The following SGCZ variants were observed in gnomAD, a reference collection of about 807,000 sequenced individuals.
The protein encoded by SGCZ is sarcoglycan zeta.
In SGCZ, 40 loss-of-function variants were observed where a neutral mutation model predicts 41.3. The observed-to-expected ratio is 0.97, with a 90% CI of 0.75 to 1.26. The LOEUF (loss-of-function observed/expected upper bound fraction) is 1.26, where lower values mean the gene tolerates loss of function less well. Among genes scored for constraint, SGCZ ranks in the 50% most tolerant of loss-of-function variants. The probability of loss-of-function intolerance (pLI) is 0.00; values close to 1 mark genes in which losing one functional copy is unlikely to be tolerated. For synonymous variants in SGCZ, 206 were observed against 137.5 expected (o/e 1.50, Z -3.49); for missense variants, 552 against 369.8 (o/e 1.49, Z -4.04).
At chr8:14,389,205 T>C (rs879813737) in intron 2 of SGCZ, among the ~76,000 whole-genome samples, 1 of 151,894 alleles carries the variant, frequency 6.6e-6, no homozygotes, top group Non-Finnish European at 1.5e-5. Context: ...TACAGAGATA[T>C]AGAGACATAT....
At chr8:14,120,000 C>T (rs969117971) in intron 5 of SGCZ, among the ~76,000 whole-genome samples, 7 of 152,068 alleles carry the variant, frequency 4.6e-5, no homozygotes, top group African/African-American at 1.7e-4. Flanking sequence ...CGATGCTCAT[C>T]AGGGATACTG....
intron 2 of SGCZ, among the ~76,000 whole-genome samples, chr8:14,409,323 C>A (rs1197566248): frequency 1.3e-5 from 2 of 151,966 alleles, no homozygotes; most frequent in Non-Finnish European, 2.9e-5. Flanking sequence ...CTCTTATTCT[C>A]CCTCAACCTG....
At chr8:14,203,726 G>A (rs966657945) in intron 4 of SGCZ, among the ~76,000 whole-genome samples, 1 of 152,152 alleles carries the variant, frequency 6.6e-6, no homozygotes, top group Non-Finnish European at 1.5e-5. Context: ...ACTAATGAGG[G>A]CTATGGAGAA....
intron 4 of SGCZ, among the ~76,000 whole-genome samples, chr8:14,233,762 CT>C (rs1806656734): frequency 6.6e-6 from 1 of 151,240 alleles, no homozygotes; most frequent in Non-Finnish European, 1.5e-5. Flanking sequence ...AAGTCAAACA[CT>C]TTTTTCACCT....
chr8:14,291,396 G>A (rs758560021), intron 3 of SGCZ, among the ~76,000 whole-genome samples: 17 of 152,042 alleles, frequency 1.1e-4, no homozygotes, highest in East Asian at 1.9e-4. Flanking sequence ...ATGTAGTAGT[G>A]CATAAATATT....
intron 1 of SGCZ, among the ~76,000 whole-genome samples, chr8:14,863,992 G>C (rs934559365): frequency 1.1e-4 from 16 of 152,098 alleles, no homozygotes; most frequent in African/African-American, 3.6e-4. Context: ...TATTCATAGA[G>C]AGCCTCTGAC....
intron 1 of SGCZ, among the ~76,000 whole-genome samples, chr8:15,027,387 G>C (rs1319468081): frequency 1.3e-5 from 1 of 78,802 alleles, no homozygotes; most frequent in Non-Finnish European, 2.5e-5. Context: ...AAAGAAATAT[G>C]TGTTGGCTCA....
At chr8:14,838,840 G>A (rs1444969412) in intron 1 of SGCZ, among the ~76,000 whole-genome samples, 1 of 152,148 alleles carries the variant, frequency 6.6e-6, no homozygotes, top group Non-Finnish European at 1.5e-5. Context: ...CCTCCGGACT[G>A]ATGCCAGAGC....
intron 1 of SGCZ, among the ~76,000 whole-genome samples, chr8:14,859,283 G>C (rs1282011377): frequency 1.3e-5 from 2 of 152,014 alleles, no homozygotes; most frequent in African/African-American, 4.8e-5. Flanking sequence ...AGAGTGTATA[G>C]CAGTAAAGAC....
At chr8:14,869,433 A>G (rs1253601937) in intron 1 of SGCZ, among the ~76,000 whole-genome samples, 1 of 152,142 alleles carries the variant, frequency 6.6e-6, no homozygotes, top group African/African-American at 2.4e-5. Context: ...TTGATGGAAC[A>G]TATCTCAAAA....
chr8:14,482,323 A>G (rs77375689), intron 2 of SGCZ, among the ~76,000 whole-genome samples: 2,988 of 152,212 alleles, frequency 0.02, 95 homozygotes, highest in African/African-American at 0.067. Context: ...AAGCATACAT[A>G]ATTTCACAAG....
intron 1 of SGCZ, among the ~76,000 whole-genome samples, chr8:14,623,501 G>A (rs1806352431): frequency 6.6e-6 from 1 of 152,096 alleles, no homozygotes; most frequent in Non-Finnish European, 1.5e-5. Flanking sequence ...TATATCCCGT[G>A]AAAAGGACAG....
At chr8:15,081,061 T>C (rs1339837345) in intron 1 of SGCZ, among the ~76,000 whole-genome samples, 1 of 152,054 alleles carries the variant, frequency 6.6e-6, no homozygotes, top group Non-Finnish European at 1.5e-5. Context: ...GCCTCCAAAA[T>C]CACAAGAACA....
At chr8:14,869,882 G>A (rs1293213577) in intron 1 of SGCZ, among the ~76,000 whole-genome samples, 3 of 152,120 alleles carry the variant, frequency 2.0e-5, no homozygotes, top group African/African-American at 7.2e-5. Flanking sequence ...GGAATGTGAA[G>A]GACCTCTTCA....
At chr8:14,511,831 G>A (rs949827806) in intron 2 of SGCZ, among the ~76,000 whole-genome samples, 2 of 152,088 alleles carry the variant, frequency 1.3e-5, no homozygotes, top group Non-Finnish European at 2.9e-5. Flanking sequence ...GGTTAGGCTT[G>A]TTGTTTTTAA....
At chr8:14,220,941 A>G (rs1327343609) in intron 4 of SGCZ, among the ~76,000 whole-genome samples, 2 of 152,220 alleles carry the variant, frequency 1.3e-5, no homozygotes, top group African/African-American at 4.8e-5. Context: ...TGTCATTGTT[A>G]AGATAACACA....
intron 1 of SGCZ, among the ~76,000 whole-genome samples, chr8:14,718,635 T>A (rs995937910): frequency 4.5e-5 from 6 of 133,666 alleles, no homozygotes; most frequent in Admixed American, 4.1e-4. Flanking sequence ...GGAAATTATA[T>A]AAGTTCACAG....
chr8:14,424,250 T>A (rs948025746), intron 2 of SGCZ, among the ~76,000 whole-genome samples: 3 of 152,156 alleles, frequency 2.0e-5, no homozygotes, highest in Non-Finnish European at 4.4e-5. Flanking sequence ...ATGAACAGGC[T>A]TCTCTGCAAT....
chr8:15,209,644 G>C (rs889915975), intron 1 of SGCZ, among the ~76,000 whole-genome samples: 1 of 152,048 alleles, frequency 6.6e-6, no homozygotes, highest in African/African-American at 2.4e-5. Flanking sequence ...AAGTTTAAAA[G>C]ATCTAATTAA....
Sources: allele counts gnomAD v4.1 joint callset (sites outside exome capture counted in the v4.1 genomes callset), GRCh38; gene constraint gnomAD v4.1.1; transcripts MANE v1.5; gene names NCBI Gene and HGNC (gene_info 2026-07-23, HGNC 2026-07-21).